Variants in PCDH9 observed in about 807,000 individuals in gnomAD.
PCDH9 encodes the protein protocadherin-9.
In PCDH9, 24 loss-of-function variants were observed where a neutral mutation model predicts 70.6. The observed-to-expected ratio is 0.34, with a 90% CI of 0.25 to 0.48. The LOEUF (loss-of-function observed/expected upper bound fraction) is 0.48. PCDH9 is among the 20% of genes least tolerant of loss of function. The probability of loss-of-function intolerance (pLI) is 0.99; values close to 1 mark genes in which losing one functional copy is unlikely to be tolerated. For missense variants in PCDH9, 1,281 were observed against 1,503.6 expected, an observed-to-expected ratio of 0.85 and a Z score of 2.45; for synonymous variants, 562 against 558.5, an observed-to-expected ratio of 1.01 and a Z score of -0.09.
In PCDH9 at chr13:66,598,014, C is replaced by T. The variant is rs184349117; in HGVS notation, c.3340+33196G>A. Among the ~76,000 whole-genome samples, 772 of 151,634 alleles carry T rather than the reference C, an allele frequency of 5.1e-3. 7 individuals carry two copies. Among genetic ancestry groups the T allele is most frequent in the Non-Finnish European group, 6.1e-3 (415 of 67,802 alleles). ...ATTGTCAGAGAAATGGAAATCAAAACCACAACAAGATATCACTCCTCACCT... is the reference window on the plus strand; with the variant it reads ...ATTGTCAGAGAAATGGAAATCAAAATCACAACAAGATATCACTCCTCACCT... On this transcript the variant is annotated intron_variant, in intron 4 of 4. Coordinates refer to ENST00000377865, the MANE Select transcript of PCDH9 (RefSeq NM_203487.3).
At chr13:66,364,754 C>T (rs930889336) in intron 4 of PCDH9, among the ~76,000 whole-genome samples, 2 of 152,160 alleles carry the variant, frequency 1.3e-5, no homozygotes, top group African/African-American at 4.8e-5. Flanking sequence ...GAACAAATAG[C>T]TAGTTACTGC....
At chr13:67,175,590 TA>T (rs1328592682) in intron 2 of PCDH9, among the ~76,000 whole-genome samples, 37 of 152,298 alleles carry the variant, frequency 2.4e-4, no homozygotes, top group African/African-American at 7.7e-4. Flanking sequence ...CTTACTGTAC[TA>T]CCCATACATT....
At chr13:66,668,760 C>A (rs188872169) in intron 3 of PCDH9, among the ~76,000 whole-genome samples, 1 of 152,236 alleles carries the variant, frequency 6.6e-6, no homozygotes, top group African/African-American at 2.4e-5. Context: ...TCTCTCACTT[C>A]TTTGCAAAGA....
At chr13:66,848,143 G>T (rs2081245649) in intron 3 of PCDH9, among the ~76,000 whole-genome samples, 1 of 152,048 alleles carries the variant, frequency 6.6e-6, no homozygotes, top group African/African-American at 2.4e-5. Flanking sequence ...TTGAATAAAA[G>T]ATGTATTGCT....
At chr13:67,041,505 A>G (rs1023806771) in intron 2 of PCDH9, among the ~76,000 whole-genome samples, 10 of 152,162 alleles carry the variant, frequency 6.6e-5, no homozygotes, top group African/African-American at 1.2e-4. Context: ...CTAGATTGCT[A>G]TAGTTCATCT....
chr13:66,408,248 C>T (rs1251372169), intron 4 of PCDH9, among the ~76,000 whole-genome samples: 1 of 151,684 alleles, frequency 6.6e-6, no homozygotes, highest in Non-Finnish European at 1.5e-5. Context: ...TTAGTAGAGA[C>T]GGGGTTTCAC....
At chr13:66,925,514 T>A (rs1594267882) in intron 2 of PCDH9, among the ~76,000 whole-genome samples, 1 of 152,086 alleles carries the variant, frequency 6.6e-6, no homozygotes, top group East Asian at 1.9e-4. Context: ...CTGCACATTA[T>A]CTTAGTTGCA....
chr13:66,517,621 T>G (rs767047347), intron 4 of PCDH9, among the ~76,000 whole-genome samples: 1 of 152,182 alleles, frequency 6.6e-6, no homozygotes, highest in Non-Finnish European at 1.5e-5. Flanking sequence ...GAATGAATTA[T>G]GGTTTTCTTT....
At chr13:66,646,818 C>T (rs866218007) in intron 3 of PCDH9, among the ~76,000 whole-genome samples, 4 of 152,162 alleles carry the variant, frequency 2.6e-5, no homozygotes, top group Admixed American at 6.5e-5. Context: ...AAAAGAAACT[C>T]TTGAATTGCC....
At chr13:66,762,627 C>G (rs2079647156) in intron 3 of PCDH9, among the ~76,000 whole-genome samples, 1 of 151,962 alleles carries the variant, frequency 6.6e-6, no homozygotes, top group South Asian at 2.1e-4. Context: ...TTCCTTACCT[C>G]TTGTCAGGTA....
intron 4 of PCDH9, among the ~76,000 whole-genome samples, chr13:66,494,270 A>C (rs1267960169): frequency 6.6e-6 from 1 of 152,120 alleles, no homozygotes; most frequent in Admixed American, 6.6e-5. Context: ...GAAAACAGTA[A>C]GCTCTCAGAT....
chr13:66,803,425 C>G (rs2080357810), intron 3 of PCDH9, among the ~76,000 whole-genome samples: 1 of 152,144 alleles, frequency 6.6e-6, no homozygotes, highest in African/African-American at 2.4e-5. Flanking sequence ...CAATTATGTA[C>G]TATTCTGGAC....
At chr13:66,979,449 C>T (rs750463026) in intron 2 of PCDH9, among the ~76,000 whole-genome samples, 51 of 152,138 alleles carry the variant, frequency 3.4e-4, no homozygotes, top group Non-Finnish European at 6.3e-4. Context: ...ATCTGTCTTC[C>T]TATTAAAAAT....
intron 4 of PCDH9, among the ~76,000 whole-genome samples, chr13:66,439,368 C>T (rs1271103187): frequency 6.6e-6 from 1 of 151,952 alleles, no homozygotes; most frequent in South Asian, 2.1e-4. Flanking sequence ...TAAAGTACAT[C>T]CTGAAGATTT....
At chr13:66,595,181 A>G (rs1460193249) in intron 4 of PCDH9, among the ~76,000 whole-genome samples, 1 of 151,618 alleles carries the variant, frequency 6.6e-6, no homozygotes, top group African/African-American at 2.4e-5. Context: ...AAATGTAAAC[A>G]CATCAAGAGA....
intron 3 of PCDH9, among the ~76,000 whole-genome samples, chr13:66,716,937 T>C (rs1188247794): frequency 2.6e-5 from 4 of 152,142 alleles, no homozygotes; most frequent in Admixed American, 2.0e-4. Context: ...GTCTTTCAAA[T>C]TGTATATACT....
intron 4 of PCDH9, among the ~76,000 whole-genome samples, chr13:66,474,351 A>G (rs1421876489): frequency 1.3e-5 from 2 of 152,188 alleles, no homozygotes; most frequent in Non-Finnish European, 2.9e-5. Flanking sequence ...TAAAATGAAG[A>G]AACCATAGAA....
At chr13:66,826,778 C>A (rs1210966689) in intron 3 of PCDH9, among the ~76,000 whole-genome samples, 1 of 152,014 alleles carries the variant, frequency 6.6e-6, no homozygotes, top group Admixed American at 6.6e-5. Context: ...TGGCTTTGAG[C>A]AGAGACTTAA....
At chr13:66,824,223 A>G (rs1291862857) in intron 3 of PCDH9, among the ~76,000 whole-genome samples, 1 of 150,086 alleles carries the variant, frequency 6.7e-6, no homozygotes, top group Non-Finnish European at 1.5e-5. Context: ...TATTTTCAAA[A>G]TAATTTGTAA....
Sources: gnomAD v4.1 joint callset for allele counts (sites outside exome capture counted in the v4.1 genomes callset) on GRCh38, gnomAD v4.1.1 for gene constraint, MANE v1.5 for transcripts, NCBI Gene and HGNC (gene_info 2026-07-23, HGNC 2026-07-21) for gene names.